Variants in DNAH3 observed in about 807,000 individuals in gnomAD.
DNAH3 encodes dynein axonemal heavy chain 3.
DNAH3 carries 332 observed loss-of-function variants against 432.5 expected under a neutral mutation model. That is an observed-to-expected ratio of 0.77 (90% CI 0.70 to 0.84). DNAH3 has a LOEUF of 0.84. Ranked by LOEUF, DNAH3 falls within the 40% of genes least tolerant of loss-of-function variation. DNAH3 has a pLI of 0.00. For missense variants in DNAH3, 4,861 were observed against 5,114.0 expected, an observed-to-expected ratio of 0.95 and a Z score of 1.51; for synonymous variants, 1,956 against 1,900.2, an observed-to-expected ratio of 1.03 and a Z score of -0.76.
Position 20,985,280 on chromosome 16 carries a change from C to T in DNAH3, c.7462G>A (p.Val2488Met), listed in dbSNP as rs778402685. Residue 2488 changes from valine to methionine, a missense_variant, in exon 48 of 62, where the codon GTG becomes ATG. Val to Met is a conservative substitution (Grantham distance 21). Coordinates refer to ENST00000261383, the Ensembl canonical transcript of DNAH3. Reference sequence around the variant, plus strand: ...ATCTGGTTGTCGGCGAAGAGGAACACGGTGCTCTTGGTGGCCACACCGACC... The same window carrying T: ...ATCTGGTTGTCGGCGAAGAGGAACATGGTGCTCTTGGTGGCCACACCGACC... The T allele has an allele frequency of 1.8e-5, 29 of 1,614,060 alleles. No individual in the cohort carries two copies. Among genetic ancestry groups the T allele is most frequent in the Non-Finnish European group, 2.1e-5 (25 of 1,180,038 alleles).
exon 3 of DNAH3, chr16:21,145,345 G>A: frequency 6.2e-7 from 1 of 1,614,194 alleles, no homozygotes; most frequent in Non-Finnish European, 8.5e-7. Context: ...TTTGAAGGGT[G>A]CAGCCAAGGT....
At chr16:21,059,191 T>G (rs984810023) in intron 26 of DNAH3, among the ~76,000 whole-genome samples, 2 of 152,204 alleles carry the variant, frequency 1.3e-5, no homozygotes, top group Admixed American at 6.5e-5. Context: ...ATAGTTGCAT[T>G]GGGAATGTGG....
chr16:21,019,078 T>C (rs995747842), intron 41 of DNAH3: 2 of 152,092 alleles, frequency 1.3e-5, no homozygotes, highest in African/African-American at 4.8e-5. Flanking sequence ...TCATATCCTC[T>C]TTTTCTAAAT....
chr16:21,038,216 T>G (rs982648518), intron 33 of DNAH3, among the ~76,000 whole-genome samples: 13 of 152,158 alleles, frequency 8.5e-5, no homozygotes, highest in Non-Finnish European at 2.9e-5. Context: ...ATGATACGTT[T>G]TTGGCCAAGT....
intron 11 of DNAH3, among the ~76,000 whole-genome samples, chr16:21,118,932 A>C (rs939530554): frequency 1.3e-5 from 2 of 152,210 alleles, no homozygotes; most frequent in African/African-American, 4.8e-5. Flanking sequence ...GTCTCAGAAA[A>C]GGTCTTCAGA....
chr16:20,962,662 T>C (rs1284417611), intron 53 of DNAH3, among the ~76,000 whole-genome samples: 1 of 152,130 alleles, frequency 6.6e-6, no homozygotes, highest in Non-Finnish European at 1.5e-5. Context: ...GCTTCTATTT[T>C]GTTCTTTTTT....
At chr16:21,141,616 G>C (rs150116793) in intron 3 of DNAH3, among the ~76,000 whole-genome samples, 1 of 152,202 alleles carries the variant, frequency 6.6e-6, no homozygotes, top group African/African-American at 2.4e-5. Flanking sequence ...GGGGATGTGC[G>C]TATCTTCCAT....
At chr16:21,014,396 A>C (rs937190091) in intron 41 of DNAH3, among the ~76,000 whole-genome samples, 1 of 152,216 alleles carries the variant, frequency 6.6e-6, no homozygotes, top group African/African-American at 2.4e-5. Context: ...CATTTGACAA[A>C]ATCCAACATC....
intron 53 of DNAH3, among the ~76,000 whole-genome samples, chr16:20,962,229 G>A (rs941378929): frequency 6.6e-6 from 1 of 152,054 alleles, no homozygotes; most frequent in Non-Finnish European, 1.5e-5. Context: ...CTGAAATAGT[G>A]GATCTTGGTG....
intron 16 of DNAH3, among the ~76,000 whole-genome samples, chr16:21,100,707 C>A (rs539364935): frequency 6.6e-6 from 1 of 152,290 alleles, no homozygotes; most frequent in African/African-American, 2.4e-5. Flanking sequence ...AACCACGGAA[C>A]CTACCACTGA....
chr16:21,126,642 C>T (rs941387427), intron 8 of DNAH3, among the ~76,000 whole-genome samples: 2 of 152,182 alleles, frequency 1.3e-5, no homozygotes, highest in Non-Finnish European at 2.9e-5. Context: ...GGGTCCCCAA[C>T]CCCTGGGCCA....
intron 41 of DNAH3, among the ~76,000 whole-genome samples, chr16:21,012,992 C>G (rs111664581): frequency 0.012 from 1,871 of 152,136 alleles, 37 homozygotes; most frequent in African/African-American, 0.043. Context: ...TCTCAAACTC[C>G]TGTGCTCAAG....
intron 56 of DNAH3, among the ~76,000 whole-genome samples, chr16:20,949,140 G>A (rs989228649): frequency 2.0e-5 from 3 of 151,788 alleles, no homozygotes; most frequent in African/African-American, 7.3e-5. Flanking sequence ...TGGGTGCCAT[G>A]AGTGCAAGTG....
intron 53 of DNAH3, among the ~76,000 whole-genome samples, chr16:20,960,261 C>T (rs1414931447): frequency 6.6e-6 from 1 of 151,994 alleles, no homozygotes; most frequent in Non-Finnish European, 1.5e-5. Flanking sequence ...CACTTTATTT[C>T]ATTACTCTAG....
chr16:21,066,922 C>G (rs1188691152), intron 24 of DNAH3, among the ~76,000 whole-genome samples: 1 of 152,256 alleles, frequency 6.6e-6, no homozygotes, highest in African/African-American at 2.4e-5. Flanking sequence ...GAACCTGAGG[C>G]TTGGATAGAT....
intron 24 of DNAH3, among the ~76,000 whole-genome samples, chr16:21,065,101 T>C (rs1367686420): frequency 6.6e-6 from 1 of 152,098 alleles, no homozygotes; most frequent in African/African-American, 2.4e-5. Context: ...ATTAGTTAGT[T>C]AGTAAGTGTA....
rs117076416 is a variant in DNAH3 at position 20,963,167 on chromosome 16, A to G, written c.10600+117T>C. 3.3e-5 allele frequency: 33 copies of G among 1,003,700 alleles called. No homozygotes were observed. The East Asian group carries it at 3.9e-4, about 12-fold the overall frequency. 62.2% of individuals were successfully genotyped at this position (1,003,700 alleles called of 1,614,324 possible). On this transcript the variant is annotated intron_variant, in intron 53 of 61. Transcript: ENST00000261383. ...TCCGTGGCTCCACCTCAGCCTATGA[A>G]CCACCTGGCCTTCAAAGCCATCTGA...
chr16:20,946,823 T>TC (rs1434037993), intron 57 of DNAH3, among the ~76,000 whole-genome samples: 2 of 137,286 alleles, frequency 1.5e-5, no homozygotes, highest in African/African-American at 5.4e-5. Context: ...TGAGTCCTTT[T>TC]TTTTTTTTTT....
At chr16:20,997,549 G>A (rs888891856) in intron 43 of DNAH3, 87 bp from the exon 44 acceptor site, 2 of 1,452,256 alleles carry the variant, frequency 1.4e-6, no homozygotes. Flanking sequence ...TTCCCCTGTA[G>A]GGGAATCTGT....
Sources: allele counts gnomAD v4.1 joint callset (sites outside exome capture counted in the v4.1 genomes callset), GRCh38; gene constraint gnomAD v4.1.1; transcripts MANE v1.5; gene names NCBI Gene and HGNC (gene_info 2026-07-23, HGNC 2026-07-21).